SPOCK1: variants seen among roughly 807,000 people sequenced by gnomAD.
SPOCK1 encodes the protein SPARC (osteonectin), cwcv and kazal like domains proteoglycan 1.
Under a neutral mutation model 55.3 loss-of-function variants are expected in SPOCK1, and 23 were observed. The ratio of observed to expected loss-of-function variants is 0.42; its 90% CI spans 0.30 to 0.59. SPOCK1 has a LOEUF of 0.59. Among genes scored for constraint, SPOCK1 ranks in the 20% least tolerant of loss-of-function variants. The probability of loss-of-function intolerance (pLI) is 0.22; values close to 1 mark genes in which losing one functional copy is unlikely to be tolerated. For missense variants in SPOCK1, 499 were observed against 552.5 expected, an observed-to-expected ratio of 0.90 and a Z score of 0.97; for synonymous variants, 226 against 221.0, an observed-to-expected ratio of 1.02 and a Z score of -0.20.
chr5:137,085,175 G>A (rs998793011), intron 5 of SPOCK1, among the ~76,000 whole-genome samples: 3 of 152,110 alleles, frequency 2.0e-5, no homozygotes, highest in Non-Finnish European at 4.4e-5. Context: ...TCCCTAAGTG[G>A]CACTACTGGG....
intron 3 of SPOCK1, among the ~76,000 whole-genome samples, chr5:137,218,607 T>C (rs777042432): frequency 1.3e-5 from 2 of 152,352 alleles, no homozygotes; most frequent in African/African-American, 2.4e-5. Context: ...AAAGACTAGA[T>C]TTTATTCACG....
intron 6 of SPOCK1, among the ~76,000 whole-genome samples, chr5:137,054,017 G>GTATT (rs141905018): frequency 7.9e-5 from 12 of 151,658 alleles, no homozygotes; most frequent in Non-Finnish European, 1.6e-4. Flanking sequence ...TGGAAGGCTG[G>GTATT]TATTGTCAAA....
At chr5:137,249,164 G>T (rs768300096) in intron 3 of SPOCK1, among the ~76,000 whole-genome samples, 1 of 152,172 alleles carries the variant, frequency 6.6e-6, no homozygotes, top group Non-Finnish European at 1.5e-5. Flanking sequence ...CATGGCTCAG[G>T]CAAATAACTT....
intron 2 of SPOCK1, among the ~76,000 whole-genome samples, chr5:137,272,602 G>C (rs1289153633): frequency 2.0e-5 from 3 of 152,132 alleles, no homozygotes; most frequent in African/African-American, 7.2e-5. Context: ...TGAATGAAGT[G>C]ACCCAGCTTG....
intron 3 of SPOCK1, among the ~76,000 whole-genome samples, chr5:137,187,652 T>C (rs781271786): frequency 1.4e-4 from 22 of 152,198 alleles, no homozygotes; most frequent in Non-Finnish European, 3.1e-4. Context: ...TGCTGGGCAC[T>C]ATGGACACAA....
intron 3 of SPOCK1, among the ~76,000 whole-genome samples, chr5:137,189,459 G>A (rs1431550121): frequency 6.6e-6 from 1 of 152,146 alleles, no homozygotes; most frequent in Non-Finnish European, 1.5e-5. Context: ...TCTAAAAATG[G>A]AACAACGAAG....
intron 2 of SPOCK1, among the ~76,000 whole-genome samples, chr5:137,374,985 CT>C (rs1751281945): frequency 6.6e-6 from 1 of 152,086 alleles, no homozygotes; most frequent in Non-Finnish European, 1.5e-5. Flanking sequence ...CTCCAAGCCA[CT>C]CTCCCCCATC....
At chr5:137,474,819 G>A (rs780566637) in intron 2 of SPOCK1, among the ~76,000 whole-genome samples, 1 of 152,106 alleles carries the variant, frequency 6.6e-6, no homozygotes, top group Non-Finnish European at 1.5e-5. Flanking sequence ...TAACAAGGTG[G>A]GAGAGAGATG....
At chr5:137,366,713 A>G (rs1306978490) in intron 2 of SPOCK1, among the ~76,000 whole-genome samples, 2 of 152,228 alleles carry the variant, frequency 1.3e-5, no homozygotes, top group Non-Finnish European at 2.9e-5. Context: ...GAGTCCTGCC[A>G]AGATATAAGT....
At chr5:137,084,954 CAAAAAA>C (rs10568473) in intron 5 of SPOCK1, among the ~76,000 whole-genome samples, 4 of 114,256 alleles carry the variant, frequency 3.5e-5, no homozygotes, top group Non-Finnish European at 6.9e-5. Context: ...TTATACAAAG[CAAAAAA>C]AAAAAAAAAA....
At chr5:137,140,803 G>A (rs34653573) in intron 3 of SPOCK1, 109 bp from the exon 4 acceptor site, 1 of 668,950 alleles carries the variant, frequency 1.5e-6, no homozygotes. Context: ...GTGTTGCCCA[G>A]ACTGGTGTGC....
chr5:137,437,586 C>T (rs1212842977), intron 2 of SPOCK1, among the ~76,000 whole-genome samples: 1 of 151,994 alleles, frequency 6.6e-6, no homozygotes, highest in East Asian at 1.9e-4. Context: ...CCCATCTTAA[C>T]CTTTTTAAAA....
chr5:137,475,884 T>C (rs779512489), intron 2 of SPOCK1, among the ~76,000 whole-genome samples: 42 of 152,226 alleles, frequency 2.8e-4, no homozygotes, highest in Admixed American at 5.9e-4. Context: ...TAAAGGGTAT[T>C]TGAACATAAA....
At chr5:137,418,631 C>A (rs1752406600) in intron 2 of SPOCK1, among the ~76,000 whole-genome samples, 1 of 152,114 alleles carries the variant, frequency 6.6e-6, no homozygotes, top group East Asian at 1.9e-4. Flanking sequence ...TCATATCCTT[C>A]ACCCACTTTT....
At chr5:137,284,554 G>T (rs368460837) in intron 2 of SPOCK1, among the ~76,000 whole-genome samples, 1 of 152,206 alleles carries the variant, frequency 6.6e-6, no homozygotes, top group Admixed American at 6.5e-5. Context: ...GACGAGGAAG[G>T]TGCTGGGCCT....
Position 137,077,313 on chromosome 5 carries a change from G to A in SPOCK1, c.475-9484C>T, listed in dbSNP as rs188703299. ...CTCACAGACTTCTACAACAGTGAGG[G>A]GTTTGGCAAAGCCTTTACAGGAATC... On this transcript the variant is annotated intron_variant, in intron 5 of 10. Transcript: ENST00000394945. 2.5e-3 allele frequency among the ~76,000 whole-genome samples: 385 copies of A among 152,276 alleles called. 4 individuals carry two copies. The highest frequency in any genetic ancestry group is 8.8e-3 in the African/African-American group (365 of 41,530).
chr5:137,462,953 G>A (rs1391294689), intron 2 of SPOCK1, among the ~76,000 whole-genome samples: 1 of 152,172 alleles, frequency 6.6e-6, no homozygotes, highest in Non-Finnish European at 1.5e-5. Flanking sequence ...TACCATTCAG[G>A]GAGTGGAAAA....
intron 6 of SPOCK1, among the ~76,000 whole-genome samples, chr5:137,036,714 G>A (rs1223815231): frequency 1.3e-5 from 2 of 152,238 alleles, no homozygotes; most frequent in Admixed American, 1.3e-4. Flanking sequence ...TGATGGGAGG[G>A]AGGCCCCTCC....
At chr5:137,246,919 C>T (rs547223986) in intron 3 of SPOCK1, among the ~76,000 whole-genome samples, 3 of 152,304 alleles carry the variant, frequency 2.0e-5, no homozygotes, top group East Asian at 3.9e-4. Flanking sequence ...TACCTAAATC[C>T]GAAGCCCCAT....
Sources: gnomAD v4.1 joint callset for allele counts (sites outside exome capture counted in the v4.1 genomes callset) on GRCh38, gnomAD v4.1.1 for gene constraint, MANE v1.5 for transcripts, NCBI Gene and HGNC (gene_info 2026-07-23, HGNC 2026-07-21) for gene names.